The following ZFP2 variants were observed in gnomAD, a reference collection of about 807,000 sequenced individuals.
The protein encoded by ZFP2 is ZFP2 zinc finger protein, also known as zinc finger protein ZFP2.
ZFP2 carries 33 observed loss-of-function variants against 36.1 expected under a neutral mutation model. The ratio of observed to expected loss-of-function variants is 0.92; its 90% confidence interval spans 0.69 to 1.22. The LOEUF is 1.22. Among genes scored for constraint, ZFP2 ranks in the 50% most tolerant of loss-of-function variants. ZFP2 has a pLI of 0.00. For synonymous variants in ZFP2, 170 were observed against 178.0 expected (o/e 0.96, Z 0.36); for missense variants, 522 against 551.4 (o/e 0.95, Z 0.53).
At position 178,909,013 on chromosome 5, in the gene ZFP2, C is replaced by T. The variant is rs1417839133; in HGVS notation, c.-449-3571C>T. ...TGCCCTGCCGCACCGTTATCTAAGC[C>T]CAGGGCGTAAAACCCCTCGTGGCCT... is the stretch of plus-strand genomic sequence containing the variant. On this transcript the variant is annotated intron_variant, in intron 1 of 4. Transcript: ENST00000361362. Among the ~76,000 whole-genome samples, 13 of 148,110 alleles carry T rather than the reference C, an allele frequency of 8.8e-5. 1 individual carries two copies. The highest frequency in any genetic ancestry group is 2.3e-4 in the African/African-American group (9 of 39,936).
chr5:178,908,891 C>A (rs1280602004), intron 1 of ZFP2, among the ~76,000 whole-genome samples: 1 of 152,128 alleles, frequency 6.6e-6, no homozygotes, highest in Non-Finnish European at 1.5e-5. Context: ...GCATGTCTGA[C>A]ATAGTGTAAA....
At chr5:178,915,996 A>G (rs570483311) in intron 3 of ZFP2, among the ~76,000 whole-genome samples, 19 of 152,360 alleles carry the variant, frequency 1.2e-4, no homozygotes, top group Middle Eastern at 6.8e-3. Flanking sequence ...TATGAAATTC[A>G]TATCAATACA....
intron 1 of ZFP2, among the ~76,000 whole-genome samples, chr5:178,907,826 A>G (rs74508332): frequency 1.3e-5 from 2 of 152,240 alleles, no homozygotes; most frequent in Admixed American, 1.3e-4. Context: ...AAAGAAGTCT[A>G]CTTCCAGCAA....
chr5:178,909,508 C>A (rs949784401), intron 1 of ZFP2, among the ~76,000 whole-genome samples: 1 of 152,180 alleles, frequency 6.6e-6, no homozygotes, highest in African/African-American at 2.4e-5. Context: ...GTCCCACTTT[C>A]ACTCTTGACT....
chr5:178,898,403 GTCTC>G (rs906567451), intron 1 of ZFP2, among the ~76,000 whole-genome samples: 2 of 152,248 alleles, frequency 1.3e-5, no homozygotes, highest in Non-Finnish European at 2.9e-5. Flanking sequence ...AATATGTCAT[GTCTC>G]TCTGTCTTTC....
chr5:178,921,463 A>C (rs1442610162), intron 4 of ZFP2, among the ~76,000 whole-genome samples: 3 of 149,754 alleles, frequency 2.0e-5, no homozygotes, highest in Non-Finnish European at 4.5e-5. Flanking sequence ...CTTGGGGAAG[A>C]AGGACCCTCT....
At chr5:178,907,158 C>T (rs951969068) in intron 1 of ZFP2, among the ~76,000 whole-genome samples, 6 of 152,046 alleles carry the variant, frequency 3.9e-5, no homozygotes, top group African/African-American at 1.4e-4. Context: ...GCTGAACAAG[C>T]TCATGTTCTC....
At position 178,932,604 on chromosome 5, in the gene ZFP2, A is replaced by C. The variant is rs1758873528; in HGVS notation, c.1291A>C (p.Thr431Pro). ...TTCATCCCTTACAGTGCATCAGAGA[A>C]CTCATACAGGAGAGAAACCCTATCA... ...KNSSLTVHQR[T>P]HTGEKPYQCN... The change falls in exon 5 of 5, where the codon ACT becomes CCT. Residue 431 changes from threonine to proline, a missense_variant. Coordinates refer to ENST00000361362, the MANE Select transcript of ZFP2 (RefSeq NM_030613.4). The C allele has an allele frequency of 6.2e-7, 1 of 1,614,058 alleles. No individual in the cohort carries two copies. Among genetic ancestry groups the C allele is most frequent in the South Asian group, 1.1e-5 (1 of 91,084 alleles).
Position 178,916,721 on chromosome 5 carries a change from G to A in ZFP2, c.-78+11G>A. 1.0e-6 allele frequency: 1 copy of A among 985,392 alleles called. No individual in the cohort carries two copies. The highest frequency in any genetic ancestry group is 1.2e-6 in the Non-Finnish European group (1 of 829,914). The allele number at this position is 985,392 out of a possible 1,614,324, so 61.0% of individuals were successfully genotyped here. A position where few individuals can be genotyped will look rare whatever the true frequency, so the allele number is the denominator to read the frequency against. On this transcript the variant is annotated intron_variant, in intron 4 of 4. Coordinates refer to ENST00000361362, the MANE Select transcript of ZFP2 (RefSeq NM_030613.4). ...ACAAAACATCTATAGGTAAGTACTG[G>A]TACTCCTCTTACGGTGGAAGACATT...
At chr5:178,919,199 T>G (rs764003718) in intron 4 of ZFP2, among the ~76,000 whole-genome samples, 1 of 152,232 alleles carries the variant, frequency 6.6e-6, no homozygotes, top group Non-Finnish European at 1.5e-5. Context: ...AGGATACCAG[T>G]TGAATACTTC....
At chr5:178,902,523 G>A (rs1194623341) in intron 1 of ZFP2, among the ~76,000 whole-genome samples, 1 of 152,032 alleles carries the variant, frequency 6.6e-6, no homozygotes, top group African/African-American at 2.4e-5. Flanking sequence ...TCAATGACTT[G>A]GATACTTTTG....
chr5:178,906,695 A>G (rs1758174858), intron 1 of ZFP2, among the ~76,000 whole-genome samples: 1 of 151,966 alleles, frequency 6.6e-6, no homozygotes, highest in Non-Finnish European at 1.5e-5. Flanking sequence ...AGCTGGGACT[A>G]CAGGTACACG....
At chr5:178,898,382 T>C (rs1009586846) in intron 1 of ZFP2, among the ~76,000 whole-genome samples, 2 of 152,340 alleles carry the variant, frequency 1.3e-5, no homozygotes, top group Admixed American at 6.5e-5. Flanking sequence ...TATTGAGACA[T>C]ATTGTGCAAG....
chr5:178,902,774 A>AT (rs1758086301), intron 1 of ZFP2, among the ~76,000 whole-genome samples: 1 of 152,220 alleles, frequency 6.6e-6, no homozygotes. Context: ...CTTTCCAGAG[A>AT]TGACTACAAA....
intron 4 of ZFP2, among the ~76,000 whole-genome samples, chr5:178,930,672 GA>G (rs1758809877): frequency 6.6e-6 from 1 of 152,134 alleles, no homozygotes. Flanking sequence ...CAGAGCCAGT[GA>G]GACAAGTAAC....
At chr5:178,928,936 C>G (rs1758756985) in intron 4 of ZFP2, among the ~76,000 whole-genome samples, 1 of 152,246 alleles carries the variant, frequency 6.6e-6, no homozygotes, top group African/African-American at 2.4e-5. Context: ...TTTCCCAAGC[C>G]TTAACTGTTC....
intron 4 of ZFP2, among the ~76,000 whole-genome samples, chr5:178,920,254 G>A (rs1273504281): frequency 6.6e-6 from 1 of 152,032 alleles, no homozygotes; most frequent in Non-Finnish European, 1.5e-5. Flanking sequence ...CTGTCTTCAA[G>A]TTAATTCTTT....
intron 1 of ZFP2, among the ~76,000 whole-genome samples, chr5:178,897,514 G>A (rs539010637): frequency 3.3e-5 from 5 of 152,198 alleles, no homozygotes; most frequent in African/African-American, 1.2e-4. Flanking sequence ...AATGTTTGTA[G>A]TTTCTCTTAG....
Position 178,933,029 on chromosome 5 carries a change from T to C in ZFP2, c.*330T>C. 1 of 225,554 alleles carries C rather than the reference T, an allele frequency of 4.4e-6. No individual in the cohort carries two copies. The highest frequency in any genetic ancestry group is 9.5e-6 in the Non-Finnish European group (1 of 104,958). The allele number at this position is 225,554 out of a possible 1,614,324, so 14.0% of individuals were successfully genotyped here. ...CTGGAGAGAAAAATGTGAGAGTGTTTAACTGGACAGCCCAGAGACCTGGTA... is the reference window on the plus strand; with the variant it reads ...CTGGAGAGAAAAATGTGAGAGTGTTCAACTGGACAGCCCAGAGACCTGGTA... On this transcript the variant is annotated 3_prime_UTR_variant, in exon 5 of 5. Coordinates refer to ENST00000361362, the MANE Select transcript of ZFP2 (RefSeq NM_030613.4).
Sources: allele counts gnomAD v4.1 joint callset (sites outside exome capture counted in the v4.1 genomes callset), GRCh38; gene constraint gnomAD v4.1.1; transcripts MANE v1.5; gene names NCBI Gene and HGNC (gene_info 2026-07-23, HGNC 2026-07-21).